The following TSNARE1 variants were observed in gnomAD, a reference collection of about 807,000 sequenced individuals.
TSNARE1 encodes t-SNARE domain-containing protein 1.
Under a neutral mutation model 62.0 loss-of-function variants are expected in TSNARE1, and 49 were observed. That is an observed-to-expected ratio of 0.79 (90% CI 0.63 to 1.00). The LOEUF (loss-of-function observed/expected upper bound fraction) is 1.00, where lower values mean the gene tolerates loss of function less well. Among genes scored for constraint, TSNARE1 ranks in the 50% least tolerant of loss-of-function variants. TSNARE1 has a pLI of 0.00. For missense variants in TSNARE1, 755 were observed against 700.1 expected (o/e 1.08, Z -0.88); for synonymous variants, 328 against 294.4 (o/e 1.11, Z -1.17).
intron 13 of TSNARE1, among the ~76,000 whole-genome samples, chr8:142,216,140 T>C (rs1815822456): frequency 6.6e-6 from 1 of 152,178 alleles, no homozygotes; most frequent in African/African-American, 2.4e-5. Context: ...CAGCCCCAGC[T>C]CCTCCAGACC....
chr8:142,400,460 GCC>G (rs1308230869), intron 1 of TSNARE1, among the ~76,000 whole-genome samples: 2 of 151,874 alleles, frequency 1.3e-5, no homozygotes, highest in Non-Finnish European at 2.9e-5. Flanking sequence ...AATTAAAAGG[GCC>G]GGGCACGGTG....
chr8:142,348,992 C>T (rs1833743644), intron 2 of TSNARE1, among the ~76,000 whole-genome samples: 1 of 152,174 alleles, frequency 6.6e-6, no homozygotes, highest in South Asian at 2.1e-4. Flanking sequence ...GGGAATTTGT[C>T]CAGGCCCCAC....
intron 11 of TSNARE1, chr8:142,277,363 C>T (rs1429345067): frequency 1.0e-6 from 1 of 985,412 alleles, no homozygotes; most frequent in East Asian, 1.1e-4. Context: ...CTGCCCAGTG[C>T]CCTCAGGGCA....
chr8:142,337,467 CTA>C (rs1454083959), intron 4 of TSNARE1, among the ~76,000 whole-genome samples: 2 of 152,260 alleles, frequency 1.3e-5, no homozygotes, highest in Admixed American at 1.3e-4. Flanking sequence ...GCAGGCTGTG[CTA>C]TGTCCAAAGA....
In TSNARE1 at chr8:142,330,904, C is replaced by T. The variant is rs766529853; in HGVS notation, c.890G>A (p.Ser297Asn). ...TPSDTQELRD[S>N]LHTAQQETNK... ...ATACCATGGCCCACACACTCACAGG[C>T]TGTCCCGAAGCTCCTGCGTGTCACT... The change falls in exon 6 of 14, where the codon AGC (serine) becomes AAC (asparagine). Residue 297 changes from serine (S) to asparagine (N), a missense_variant. By Grantham distance (46) the Ser-to-Asn change is conservative (BLOSUM62 1). Transcript: ENST00000524325. 1.7e-5 allele frequency: 27 copies of T among 1,613,972 alleles called. No homozygotes were observed. In the African/African-American group the frequency reaches 2.3e-4, roughly 14 times the overall value.
rs565667230 is a variant in TSNARE1 at position 142,349,093 on chromosome 8, A to G, written c.89-3201T>C. Among the ~76,000 whole-genome samples, 3 of 152,272 alleles carry G rather than the reference A, an allele frequency of 2.0e-5. No homozygotes were observed. The South Asian group carries it at 6.2e-4, about 32-fold the overall frequency. Reference sequence around the variant, plus strand: ...AAGAGCTGAGGGGAGCAAAGGAGGCACTGAGCCAGGCTCGCCCCCATGCCC... The same window carrying G: ...AAGAGCTGAGGGGAGCAAAGGAGGCGCTGAGCCAGGCTCGCCCCCATGCCC... On this transcript the variant is annotated intron_variant, in intron 2 of 13. Transcript: ENST00000524325.
chr8:142,274,619 C>A (rs1481445132), intron 12 of TSNARE1, 162 bp downstream of exon 12: 14 of 985,354 alleles, frequency 1.4e-5, no homozygotes, highest in African/African-American at 3.5e-5. Flanking sequence ...ACTCCCAGAG[C>A]CCTAGGGCAC....
At chr8:142,314,529 GGAC>G in intron 8 of TSNARE1, 89 bp from the exon 9 acceptor site, 1 of 1,167,034 alleles carries the variant, frequency 8.6e-7, no homozygotes, top group Admixed American at 2.0e-5. Context: ...GCAGGGCTCT[GGAC>G]GACGGTGCAG....
intron 9 of TSNARE1, among the ~76,000 whole-genome samples, chr8:142,314,180 A>G (rs1328592221): frequency 1.3e-5 from 2 of 152,236 alleles, no homozygotes; most frequent in African/African-American, 2.4e-5. Flanking sequence ...GTCCGCAGTC[A>G]TTCTTTGGGA....
intron 6 of TSNARE1, 102 bp downstream of exon 6, chr8:142,330,799 T>C (rs1353555067): frequency 1.8e-5 from 21 of 1,187,842 alleles, no homozygotes; most frequent in Non-Finnish European, 2.4e-5. Flanking sequence ...CGCAAGCAGC[T>C]GTGTGGACAA....
At chr8:142,225,092 G>A (rs947411496) in intron 13 of TSNARE1, among the ~76,000 whole-genome samples, 2 of 152,160 alleles carry the variant, frequency 1.3e-5, no homozygotes, top group Non-Finnish European at 1.5e-5. Context: ...TTGGCCCCAA[G>A]GCCCACTGTG....
At chr8:142,388,545 A>G (rs1394293618) in intron 1 of TSNARE1, among the ~76,000 whole-genome samples, 1 of 148,802 alleles carries the variant, frequency 6.7e-6, no homozygotes, top group East Asian at 2.0e-4. Context: ...AGCAAAAAAC[A>G]AAATCTTTTT....
At chr8:142,283,168 G>C (rs189106869) in intron 11 of TSNARE1, among the ~76,000 whole-genome samples, 2 of 150,712 alleles carry the variant, frequency 1.3e-5, no homozygotes, top group African/African-American at 2.4e-5. Flanking sequence ...GGTGGGGCCA[G>C]TGTCTGTCAA....
chr8:142,343,915 C>T (rs1472143337), intron 4 of TSNARE1, 51 bp downstream of exon 4: 1 of 1,449,874 alleles, frequency 6.9e-7, no homozygotes. Context: ...GCCCCCCCCT[C>T]CTGCTGGACA....
chr8:142,310,017 C>T (rs1461980734), intron 9 of TSNARE1, among the ~76,000 whole-genome samples: 6 of 151,282 alleles, frequency 4.0e-5, no homozygotes, highest in Non-Finnish European at 5.9e-5. Context: ...ATGTTTATAA[C>T]ATCCCTGCGT....
intron 12 of TSNARE1, among the ~76,000 whole-genome samples, chr8:142,251,951 C>T (rs1227629233): frequency 1.8e-4 from 26 of 142,452 alleles, no homozygotes; most frequent in Non-Finnish European, 3.3e-4. Flanking sequence ...ATGTACCCGC[C>T]GCCCATGTTC....
intron 12 of TSNARE1, among the ~76,000 whole-genome samples, chr8:142,230,770 ATCC>A (rs1163398643): frequency 2.5e-3 from 2 of 808 alleles, no homozygotes; most frequent in African/African-American, 3.0e-3. Flanking sequence ...TAATGCAACC[ATCC>A]ATCCATCCAT....
chr8:142,270,645 T>A (rs1216695240), intron 12 of TSNARE1: 3 of 984,984 alleles, frequency 3.0e-6, no homozygotes, highest in Non-Finnish European at 3.6e-6. Flanking sequence ...CTTTCAGGAG[T>A]CACACCAGAT....
At chr8:142,365,521 T>C (rs926497163) in intron 1 of TSNARE1, among the ~76,000 whole-genome samples, 3 of 152,110 alleles carry the variant, frequency 2.0e-5, no homozygotes, top group Non-Finnish European at 4.4e-5. Context: ...ACACATTGTG[T>C]ATTTGGGGAT....
Sources: allele counts gnomAD v4.1 joint callset (sites outside exome capture counted in the v4.1 genomes callset), GRCh38; gene constraint gnomAD v4.1.1; transcripts MANE v1.5; gene names NCBI Gene and HGNC (gene_info 2026-07-23, HGNC 2026-07-21).